CHODL: variants seen among roughly 807,000 people sequenced by gnomAD.
CHODL encodes chondrolectin, also known as transmembrane protein MT75.
A neutral mutation model predicts 34.5 loss-of-function variants in CHODL; 29 were observed. The ratio of observed to expected loss-of-function variants is 0.84; its 90% confidence interval spans 0.63 to 1.15. The LOEUF (loss-of-function observed/expected upper bound fraction) is 1.15. Ranked by LOEUF, CHODL falls within the 50% of genes most tolerant of loss-of-function variation. The pLI is 0.00. For missense variants in CHODL, 332 were observed against 332.5 expected, an observed-to-expected ratio of 1.00 and a Z score of 0.01; for synonymous variants, 125 against 116.1, an observed-to-expected ratio of 1.08 and a Z score of -0.49.
At chr21:17,933,334 T>C (rs28800646) in intron 1 of CHODL, among the ~76,000 whole-genome samples, 8,169 of 152,208 alleles carry the variant, frequency 0.054, 586 homozygotes, top group African/African-American at 0.17. Flanking sequence ...CAGACTATCA[T>C]ATGGGGAGAA....
chr21:18,238,793 C>T (rs1018911068), intron 2 of CHODL, among the ~76,000 whole-genome samples: 1 of 152,068 alleles, frequency 6.6e-6, no homozygotes, highest in African/African-American at 2.4e-5. Context: ...GTATGAAGAA[C>T]TTTATATACA....
intron 2 of CHODL, among the ~76,000 whole-genome samples, chr21:18,062,399 G>C (rs929170291): frequency 6.6e-6 from 1 of 151,968 alleles, no homozygotes; most frequent in Non-Finnish European, 1.5e-5. Flanking sequence ...TGTAGAGATG[G>C]GGTGTCACAA....
At chr21:18,221,131 T>G (rs1157288814) in intron 2 of CHODL, among the ~76,000 whole-genome samples, 1 of 152,148 alleles carries the variant, frequency 6.6e-6, no homozygotes, top group Admixed American at 6.5e-5. Flanking sequence ...AACGCTTGTC[T>G]TCAAGTTTAG....
At chr21:18,055,242 G>A (rs1332711738) in intron 2 of CHODL, among the ~76,000 whole-genome samples, 3 of 151,882 alleles carry the variant, frequency 2.0e-5, no homozygotes, top group East Asian at 1.9e-4. Context: ...AAATAGTAAC[G>A]AAGAATGAAG....
At position 17,918,931 on chromosome 21, in the gene CHODL, A is replaced by G. The variant is rs148347658; in HGVS notation, c.-145+1531A>G. Among the ~76,000 whole-genome samples the G allele has an allele frequency of 8.0e-3, 1,217 of 152,312 alleles. 18 individuals are homozygous for G. The highest frequency in any genetic ancestry group is 0.027 in the African/African-American group (1,121 of 41,562). On this transcript the variant is annotated intron_variant, in intron 1 of 6. Transcript: ENST00000400127. ...CGAAGGGGCTACAGGCCCCGTGCAA[A>G]TCAGAAATCCAGCAGGGCAGTCAAA...
At chr21:17,934,758 T>C (rs969730691) in intron 1 of CHODL, among the ~76,000 whole-genome samples, 8 of 152,224 alleles carry the variant, frequency 5.3e-5, no homozygotes, top group African/African-American at 1.9e-4. Context: ...TCTTATTTTT[T>C]ATTATAAATA....
chr21:18,190,946 C>T (rs1312110703), intron 2 of CHODL, among the ~76,000 whole-genome samples: 1 of 152,032 alleles, frequency 6.6e-6, no homozygotes, highest in African/African-American at 2.4e-5. Flanking sequence ...AATAAAAGGC[C>T]TGTTTTGGAG....
At chr21:18,179,257 A>G (rs1410228354) in intron 2 of CHODL, among the ~76,000 whole-genome samples, 2 of 152,074 alleles carry the variant, frequency 1.3e-5, no homozygotes, top group African/African-American at 2.4e-5. Flanking sequence ...CCTTTGACCC[A>G]CTTGACCCAT....
At chr21:18,018,950 C>G (rs2146422850) in intron 1 of CHODL, among the ~76,000 whole-genome samples, 1 of 152,320 alleles carries the variant, frequency 6.6e-6, no homozygotes, top group African/African-American at 2.4e-5. Context: ...TTCTAATACC[C>G]TCCATGACTT....
intron 1 of CHODL, chr21:18,245,952 C>T: frequency 6.5e-7 from 1 of 1,535,038 alleles, no homozygotes; most frequent in Non-Finnish European, 8.7e-7. Context: ...TTGGTAATGA[C>T]TGCAGGTTCG....
intron 2 of CHODL, among the ~76,000 whole-genome samples, chr21:18,164,206 C>A (rs1435148945): frequency 1.3e-5 from 2 of 152,176 alleles, no homozygotes; most frequent in African/African-American, 4.8e-5. Context: ...GGGCTTGCAC[C>A]TCAATTAAAT....
chr21:18,023,844 C>T (rs1355817863), intron 1 of CHODL, among the ~76,000 whole-genome samples: 1 of 152,072 alleles, frequency 6.6e-6, no homozygotes, highest in African/African-American at 2.4e-5. Flanking sequence ...ATATGGCTTT[C>T]CTGGAAAGAA....
chr21:18,128,313 A>C (rs1423248332), intron 2 of CHODL, among the ~76,000 whole-genome samples: 1 of 28,698 alleles, frequency 3.5e-5, no homozygotes, highest in Non-Finnish European at 6.5e-5. Flanking sequence ...AAAAAAAAAA[A>C]AAAAAAAAAA....
intron 1 of CHODL, among the ~76,000 whole-genome samples, chr21:17,947,264 G>A (rs912363217): frequency 1.3e-5 from 2 of 151,774 alleles, no homozygotes; most frequent in African/African-American, 4.8e-5. Context: ...ACAACCAACA[G>A]GTCAATGAAG....
At chr21:18,128,187 G>A (rs1009320863) in intron 2 of CHODL, among the ~76,000 whole-genome samples, 11 of 150,698 alleles carry the variant, frequency 7.3e-5, no homozygotes, top group African/African-American at 2.7e-4. Flanking sequence ...TGTAGTCCCG[G>A]CTACTAGGGA....
At chr21:18,089,685 G>A (rs1447420506) in intron 2 of CHODL, among the ~76,000 whole-genome samples, 2 of 152,158 alleles carry the variant, frequency 1.3e-5, no homozygotes, top group African/African-American at 2.4e-5. Context: ...TTGAGCTCAT[G>A]AGGTGCATAT....
chr21:18,023,410 G>A (rs2064145503), intron 1 of CHODL, among the ~76,000 whole-genome samples: 1 of 152,160 alleles, frequency 6.6e-6, no homozygotes, highest in Non-Finnish European at 1.5e-5. Context: ...AGGCCACCCT[G>A]CAGAGATGGT....
chr21:18,013,416 C>A (rs980609578), intron 1 of CHODL, among the ~76,000 whole-genome samples: 8 of 145,992 alleles, frequency 5.5e-5, no homozygotes, highest in Non-Finnish European at 1.0e-4. Context: ...GGTCATATAT[C>A]CCTGTAACTG....
At chr21:18,225,800 C>A (rs1010337949) in intron 2 of CHODL, among the ~76,000 whole-genome samples, 1 of 151,766 alleles carries the variant, frequency 6.6e-6, no homozygotes, top group Admixed American at 6.6e-5. Context: ...AAGGTAGAAA[C>A]CAGACACATA....
Sources: allele counts gnomAD v4.1 joint callset (sites outside exome capture counted in the v4.1 genomes callset), GRCh38; gene constraint gnomAD v4.1.1; transcripts MANE v1.5; gene names NCBI Gene and HGNC (gene_info 2026-07-23, HGNC 2026-07-21).